The following MACF1 variants were observed in gnomAD, a reference collection of about 807,000 sequenced individuals.
MACF1 encodes the protein microtubule-actin cross-linking factor 1.
Under a neutral mutation model 854.8 loss-of-function variants are expected in MACF1, and 193 were observed. The observed-to-expected ratio is 0.23, with a 90% CI of 0.20 to 0.25. MACF1 has a LOEUF of 0.25. MACF1 is among the 10% of genes least tolerant of loss of function. The pLI is 1.00. For synonymous variants in MACF1, 3,185 were observed against 3,226.7 expected, an observed-to-expected ratio of 0.99 and a Z score of 0.44; for missense variants, 7,722 against 8,929.1, an observed-to-expected ratio of 0.86 and a Z score of 5.45.
intron 2 of MACF1, among the ~76,000 whole-genome samples, chr1:39,107,939 G>A (rs1045897040): frequency 6.6e-6 from 1 of 152,194 alleles, no homozygotes; most frequent in Non-Finnish European, 1.5e-5. Flanking sequence ...GGGCCAATGG[G>A]AGAAGGGCAG....
intron 6 of MACF1, among the ~76,000 whole-genome samples, chr1:39,274,565 A>G: frequency 6.6e-6 from 1 of 152,212 alleles, no homozygotes; most frequent in East Asian, 1.9e-4. Context: ...GTATGTGAAT[A>G]CTACCTCATT....
In MACF1 at chr1:39,372,474, A is replaced by T; in HGVS notation, c.13096-5A>T. 6.3e-7 allele frequency: 1 copy of T among 1,584,266 alleles called. No individual in the cohort carries two copies. The highest frequency in any genetic ancestry group is 8.7e-7 in the Non-Finnish European group (1 of 1,153,678). On this transcript the variant is annotated splice_region_variant and splice_polypyrimidine_tract_variant and intron_variant, in intron 51 of 100. Coordinates refer to ENST00000564288, the MANE Select transcript of MACF1 (RefSeq NM_001394062.1). ...CTACATTTGGCCATTTTCTTCTTTA[A>T]ACAGAGTCTACTAGATGACTGGGCA...
intron 97 of MACF1, among the ~76,000 whole-genome samples, chr1:39,470,249 T>C (rs955386409): frequency 1.1e-4 from 17 of 152,232 alleles, no homozygotes; most frequent in African/African-American, 4.1e-4. Flanking sequence ...TTCACATGAA[T>C]TCAGATATGC....
chr1:39,455,063 T>C lies in MACF1; in HGVS notation c.21041T>C (p.Ile7014Thr), dbSNP rs541505531. 21 of 1,614,124 alleles carry C rather than the reference T, an allele frequency of 1.3e-5. No homozygotes were observed. The African/African-American group carries it at 1.7e-4, about 13-fold the overall frequency. ...QRDQEPIPQN[I>T]DRVKALIAEH... ...GATCAGGAGCCAATCCCGCAGAACA[T>C]TGACCGAGTTAAAGCCCTTATCGCT... is the stretch of plus-strand genomic sequence containing the variant. The change falls in exon 89 of 101, where the codon ATT becomes ACT. Residue 7014 changes from isoleucine (I) to threonine (T), a missense_variant. Physicochemically the swap from Ile to Thr is moderately conservative, Grantham distance 89. This residue lies in a region of MACF1 where 729 missense variants were observed against 900.5 expected (regional missense o/e 0.81). Coordinates refer to ENST00000564288, the MANE Select transcript of MACF1 (RefSeq NM_001394062.1).
Position 39,340,917 on chromosome 1 carries a change from T to G in MACF1, c.10545T>G (p.Asp3515Glu). ...GCAAGGGATCTAACAGTGAAATAGA[T>G]GTTGACAGCCTGAACCTCTGCCTCC... ...LNSKGSNSEI[D>E]VDSLNLCLQQ... Residue 3515 changes from aspartate to glutamate, a missense_variant, in exon 40 of 101, where the codon GAT (aspartate) becomes GAG (glutamate). Around this residue, in one of 15 missense-constraint regions of MACF1, gnomAD observed 854 missense variants for 852.6 expected, o/e 1.00. Coordinates refer to ENST00000564288, the MANE Select transcript of MACF1 (RefSeq NM_001394062.1). 1.2e-6 allele frequency: 2 copies of G among 1,613,206 alleles called. No individual in the cohort carries two copies. Among genetic ancestry groups the G allele is most frequent in the Non-Finnish European group, 1.7e-6 (2 of 1,179,560 alleles).
In MACF1 at chr1:39,451,130, C is replaced by T. The variant is rs1570128525; in HGVS notation, c.20337C>T (p.Tyr6779=). The T allele has an allele frequency of 6.2e-7, 1 of 1,614,170 alleles. No individual in the cohort carries two copies. Among genetic ancestry groups the T allele is most frequent in the Non-Finnish European group, 8.5e-7 (1 of 1,180,022 alleles). The change falls in exon 85 of 101, where the codon TAC becomes TAT. Residue 6779 remains tyrosine, a synonymous_variant. Coordinates refer to ENST00000564288, the MANE Select transcript of MACF1 (RefSeq NM_001394062.1). Reference sequence around the variant, plus strand: ...TGCAGGCATTGGTTGACTGGTTATACAAGGTGGAGCCACAGCTGGCTGAGG... The same window carrying T: ...TGCAGGCATTGGTTGACTGGTTATATAAGGTGGAGCCACAGCTGGCTGAGG... ...DALQALVDWL[Y]KVEPQLAEDQ...
chr1:39,469,384 T>C (rs1273936714), intron 96 of MACF1, among the ~76,000 whole-genome samples, 163 bp from the exon 97 acceptor site: 1 of 152,200 alleles, frequency 6.6e-6, no homozygotes, highest in African/African-American at 2.4e-5. Context: ...CCGGTTCCAA[T>C]TGCTAAATCC....
intron 2 of MACF1, among the ~76,000 whole-genome samples, chr1:39,115,195 G>A (rs527890532): frequency 2.3e-4 from 35 of 152,300 alleles, no homozygotes; most frequent in Admixed American, 4.6e-4. Flanking sequence ...CTTTTCCTCT[G>A]GCAGCAGTGC....
At chr1:39,414,579 CTT>C in intron 58 of MACF1, 3 of 1,526,438 alleles carry the variant, frequency 2.0e-6, no homozygotes, top group Non-Finnish European at 2.7e-6. Flanking sequence ...TTCTTTTGTT[CTT>C]TTTGGGTCTC....
chr1:39,450,950 T>C, intron 84 of MACF1, 102 bp from the exon 85 acceptor site: 1 of 1,305,946 alleles, frequency 7.7e-7, no homozygotes, highest in Non-Finnish European at 1.1e-6. Flanking sequence ...GAAGTCACTC[T>C]CTATATAGGG....
intron 2 of MACF1, among the ~76,000 whole-genome samples, chr1:39,091,675 T>A (rs189183847): frequency 1.2e-3 from 183 of 152,222 alleles, no homozygotes; most frequent in African/African-American, 4.2e-3. Flanking sequence ...TTTGTATTTT[T>A]AGTAGAGACC....
intron 63 of MACF1, among the ~76,000 whole-genome samples, chr1:39,428,923 T>C (rs1362925663): frequency 6.6e-6 from 1 of 152,224 alleles, no homozygotes; most frequent in Non-Finnish European, 1.5e-5. Flanking sequence ...TATTCCTTAT[T>C]TTGGACACAG....
At chr1:39,278,393 T>C (rs967338815) in intron 6 of MACF1, among the ~76,000 whole-genome samples, 3 of 152,346 alleles carry the variant, frequency 2.0e-5, no homozygotes, top group Admixed American at 2.0e-4. Flanking sequence ...TCCAAACATC[T>C]ATCTCATTAC....
At chr1:39,188,883 T>C (rs996756060) in intron 2 of MACF1, among the ~76,000 whole-genome samples, 4 of 148,030 alleles carry the variant, frequency 2.7e-5, no homozygotes, top group African/African-American at 5.0e-5. Context: ...GGATTACAGG[T>C]GCGTGCCACC....
intron 99 of MACF1, among the ~76,000 whole-genome samples, chr1:39,481,818 G>A (rs1645017636): frequency 6.6e-6 from 1 of 152,124 alleles, no homozygotes; most frequent in Non-Finnish European, 1.5e-5. Flanking sequence ...CTTCAGTCTT[G>A]GAAAGCCTTA....
At position 39,335,871 on chromosome 1, in the gene MACF1, T is replaced by C. The variant is rs754591435; in HGVS notation, c.9283T>C (p.Cys3095Arg). The change falls in exon 37 of 101, where the codon TGT becomes CGT. Residue 3095 changes from cysteine (C) to arginine (R), a missense_variant. Coordinates refer to ENST00000564288, the MANE Select transcript of MACF1 (RefSeq NM_001394062.1). ...PEENLSREIA[C>R]GAQSEPFPCM... ...AGAAAACTTATCTCGAGAAATTGCC[T>C]GTGGGGCCCAGAGTGAACCATTCCC... 1.2e-6 allele frequency: 2 copies of C among 1,613,996 alleles called. No individual in the cohort carries two copies. Among genetic ancestry groups the C allele is most frequent in the Admixed American group, 3.3e-5 (2 of 59,990 alleles).
chr1:39,402,558 A>T lies in MACF1; in HGVS notation c.15816+13900A>T, dbSNP rs550816956. 3.3e-5 allele frequency among the ~76,000 whole-genome samples: 5 copies of T among 152,202 alleles called. No individual in the cohort carries two copies. In the South Asian group the frequency reaches 1.0e-3, roughly 32 times the overall value. On this transcript the variant is annotated intron_variant, in intron 58 of 100. Coordinates refer to ENST00000564288, the MANE Select transcript of MACF1 (RefSeq NM_001394062.1). The stretch of plus-strand genomic sequence containing the variant: ...GAGAGGAAGAGGAATCCAAGGAGAC[A>T]AAGAAGGACTGGCTAGAAAGATAGC...
chr1:39,315,577 G>A lies in MACF1; in HGVS notation c.3335G>A (p.Ser1112Asn), dbSNP rs749201839. Residue 1112 changes from serine to asparagine, a missense_variant, in exon 27 of 101, where the codon AGC (serine) becomes AAC (asparagine). Transcript: ENST00000564288. ...DLDAVSMKCDSFLHQSPSSSS... is the reference protein window; with the variant it reads ...DLDAVSMKCDNFLHQSPSSSS... ...GATGCAGTTTCTATGAAATGTGACA[G>A]CTTTCTCCATCAGTCTCCATCTAGT... The A allele has an allele frequency of 6.2e-7, 1 of 1,614,114 alleles. No individual in the cohort carries two copies. Among genetic ancestry groups the A allele is most frequent in the Non-Finnish European group, 8.5e-7 (1 of 1,179,998 alleles).
intron 58 of MACF1, chr1:39,412,093 G>A: frequency 1.2e-6 from 2 of 1,614,006 alleles, no homozygotes; most frequent in South Asian, 2.2e-5. Flanking sequence ...TGATCACAGG[G>A]TTTCTCATGA....
Sources: gnomAD v4.1 joint callset for allele counts (sites outside exome capture counted in the v4.1 genomes callset) on GRCh38, gnomAD v4.1.1 for gene constraint, gnomAD v4.1.1 regional missense constraint, MANE v1.5 for transcripts, NCBI Gene and HGNC (gene_info 2026-07-23, HGNC 2026-07-21) for gene names.